DIAPH2: variants seen among roughly 807,000 people sequenced by gnomAD.
DIAPH2 encodes protein diaphanous homolog 2.
A neutral mutation model predicts 92.7 loss-of-function variants in DIAPH2; 35 were observed. That is an observed-to-expected ratio of 0.38 (90% CI 0.29 to 0.50). The LOEUF is 0.50. Ranked by LOEUF, DIAPH2 falls within the 20% of genes least tolerant of loss-of-function variation. The pLI, the probability that DIAPH2 is intolerant of heterozygous loss-of-function variation, is 0.94. For synonymous variants in DIAPH2, 301 were observed against 280.4 expected, an observed-to-expected ratio of 1.07 and a Z score of -0.73; for missense variants, 701 against 819.5, an observed-to-expected ratio of 0.86 and a Z score of 1.77.
At position 97,422,238 on chromosome X, in the gene DIAPH2, TAGG is replaced by T. The variant is rs796069023; in HGVS notation, c.3146-7409_3146-7407del. On this transcript the variant is annotated intron_variant, in intron 25 of 26. Transcript: ENST00000324765. ...ACACACAGTGCACATGTATGTGCAC[TAGG>T]AGTTCAGATATTTAGATTTTATTAT... Among the ~76,000 whole-genome samples, 38 of 111,129 alleles carry T rather than the reference TAGG, an allele frequency of 3.4e-4. 1 individual carries two copies. The South Asian group carries it at 0.013, about 37-fold the overall frequency.
At chrX:97,532,259 G>C (rs757072269) in intron 26 of DIAPH2, among the ~76,000 whole-genome samples, 7 of 112,902 alleles carry the variant, frequency 6.2e-5, no homozygotes, top group Non-Finnish European at 1.1e-4. Context: ...AATAAAACTC[G>C]TGCTTGGCAC....
At position 97,247,785 on chromosome X, in the gene DIAPH2, C is replaced by A; in HGVS notation, c.2790C>A (p.Ile930=). ...AAATTGTTCATCTGGAACGTGACAT[C>A]AAGAAATTCCCCCAAGCAGAAAATC... is the stretch of plus-strand genomic sequence containing the variant. ...EQQIVHLERD[I]KKFPQAENQH... Residue 930 remains isoleucine (I), a synonymous_variant, in exon 23 of 27, where the codon ATC becomes ATA. Transcript: ENST00000324765. 8.3e-7 allele frequency: 1 copy of A among 1,207,388 alleles called. No homozygotes were observed. Among genetic ancestry groups the A allele is most frequent in the East Asian group, 3.0e-5 (1 of 33,717 alleles).
At position 96,925,686 on chromosome X, in the gene DIAPH2, A is replaced by G. The variant is rs144886824; in HGVS notation, c.979-5047A>G. On this transcript the variant is annotated intron_variant, in intron 9 of 26. Coordinates refer to ENST00000324765, the MANE Select transcript of DIAPH2 (RefSeq NM_006729.5). ...ATAGTTCACTGCTTAAAGTCCAACA[A>G]TGGCTTCCCACAGTCTCCAGAATTG... 5.6e-3 allele frequency among the ~76,000 whole-genome samples: 632 copies of G among 111,945 alleles called. 7 individuals carry two copies. The highest frequency in any genetic ancestry group is 0.018 in the African/African-American group (548 of 30,863).
At chrX:97,496,168 C>CTTTTTT (rs10632820) in intron 26 of DIAPH2, among the ~76,000 whole-genome samples, 28 of 54,090 alleles carry the variant, frequency 5.2e-4, no homozygotes, top group Non-Finnish European at 6.1e-4. Context: ...GAATTGGTAC[C>CTTTTTT]TTTTTTTTTT....
At chrX:97,129,160 C>CTTTCTTTTCTTTTT (rs2067118916) in intron 21 of DIAPH2, among the ~76,000 whole-genome samples, 1 of 89,133 alleles carries the variant, frequency 1.1e-5, no homozygotes, top group African/African-American at 4.3e-5. Context: ...CTTTTCTTTT[C>CTTTCTTTTCTTTTT]TTTTCTTTCT....
At chrX:96,774,603 A>T (rs972319095) in intron 4 of DIAPH2, among the ~76,000 whole-genome samples, 2 of 112,221 alleles carry the variant, frequency 1.8e-5, no homozygotes, top group Non-Finnish European at 3.8e-5. Flanking sequence ...GGAAAAAGAT[A>T]CATAAATATT....
intron 17 of DIAPH2, among the ~76,000 whole-genome samples, chrX:96,999,371 G>A (rs777065487): frequency 2.8e-5 from 3 of 108,483 alleles, no homozygotes; most frequent in East Asian, 5.8e-4. Flanking sequence ...GCGTGGTGGC[G>A]GGCGCTGGTA....
In DIAPH2 at chrX:97,378,028, G is replaced by A. The variant is rs1014856998; in HGVS notation, c.3010-5881G>A. ...ATCTAAAAGCACAGTCTGAATTAAA[G>A]CAAAGAAAGAATCAGTTGCTCAGAG... On this transcript the variant is annotated intron_variant, in intron 24 of 26. Coordinates refer to ENST00000324765, the MANE Select transcript of DIAPH2 (RefSeq NM_006729.5). 6.3e-5 allele frequency among the ~76,000 whole-genome samples: 7 copies of A among 110,339 alleles called. No individual in the cohort carries two copies. The Admixed American group carries it at 6.8e-4, about 11-fold the overall frequency.
chrX:97,305,824 CAAAAAAA>C (rs754094514), intron 23 of DIAPH2, among the ~76,000 whole-genome samples: 2 of 49,223 alleles, frequency 4.1e-5, no homozygotes, highest in Non-Finnish European at 7.9e-5. Context: ...ACTCCTTCTC[CAAAAAAA>C]AAAAAAAAAA....
chrX:96,989,507 C>T (rs1333950277), intron 17 of DIAPH2, among the ~76,000 whole-genome samples: 1 of 112,109 alleles, frequency 8.9e-6, no homozygotes, highest in Non-Finnish European at 1.9e-5. Flanking sequence ...AATATTCCAA[C>T]TGTACTATTT....
intron 26 of DIAPH2, among the ~76,000 whole-genome samples, chrX:97,526,830 G>C (rs1015296978): frequency 9.0e-6 from 1 of 111,416 alleles, no homozygotes; most frequent in African/African-American, 3.3e-5. Flanking sequence ...CTGCTTTTCC[G>C]TTTGGTATTC....
At chrX:97,087,759 T>G (rs2066793902) in intron 19 of DIAPH2, among the ~76,000 whole-genome samples, 1 of 112,001 alleles carries the variant, frequency 8.9e-6, no homozygotes. Flanking sequence ...TCACTCTTTC[T>G]GGCCATTTAT....
chrX:96,903,070 C>G (rs959275056), intron 5 of DIAPH2, among the ~76,000 whole-genome samples: 28 of 108,909 alleles, frequency 2.6e-4, no homozygotes, highest in African/African-American at 9.0e-4. Flanking sequence ...AGGACTGTTG[C>G]ATTTCTGTTG....
intron 4 of DIAPH2, among the ~76,000 whole-genome samples, chrX:96,848,663 ATT>A (rs1323512714): frequency 8.9e-6 from 1 of 111,940 alleles, no homozygotes; most frequent in Non-Finnish European, 1.9e-5. Context: ...GCTGTTCATA[ATT>A]TGATGCATTT....
At chrX:97,428,305 G>A (rs935499547) in intron 25 of DIAPH2, among the ~76,000 whole-genome samples, 2 of 111,198 alleles carry the variant, frequency 1.8e-5, no homozygotes, top group African/African-American at 6.5e-5. Context: ...CGAGGTGGGC[G>A]GATCACCTGA....
chrX:96,737,146 C>A (rs182269890), intron 2 of DIAPH2, among the ~76,000 whole-genome samples: 122 of 111,629 alleles, frequency 1.1e-3, no homozygotes, highest in Non-Finnish European at 1.7e-3. Context: ...AGGAAAATCA[C>A]CTTCTCTGTG....
chrX:96,859,607 ATTC>A (rs1569414415), intron 4 of DIAPH2, among the ~76,000 whole-genome samples: 2 of 89,185 alleles, frequency 2.2e-5, no homozygotes, highest in African/African-American at 7.9e-5. Context: ...TCAATAATAG[ATTC>A]TTATTTATTT....
At chrX:97,264,952 C>T (rs1195984892) in intron 23 of DIAPH2, among the ~76,000 whole-genome samples, 1 of 110,885 alleles carries the variant, frequency 9.0e-6, no homozygotes, top group African/African-American at 3.3e-5. Flanking sequence ...CACTGCATTC[C>T]AGCCTGGGTG....
intron 19 of DIAPH2, among the ~76,000 whole-genome samples, chrX:97,086,630 AT>A (rs1256927119): frequency 9.6e-6 from 1 of 104,260 alleles, no homozygotes; most frequent in Non-Finnish European, 2.0e-5. Flanking sequence ...TCAAAACATC[AT>A]TTTGTACACC....
Sources: gnomAD v4.1 joint callset for allele counts (sites outside exome capture counted in the v4.1 genomes callset) on GRCh38, gnomAD v4.1.1 for gene constraint, MANE v1.5 for transcripts, NCBI Gene and HGNC (gene_info 2026-07-23, HGNC 2026-07-21) for gene names.